SBNO1: variants seen among roughly 807,000 people sequenced by gnomAD.
SBNO1 encodes protein strawberry notch homolog 1.
Under a neutral mutation model 173.6 loss-of-function variants are expected in SBNO1, and 23 were observed. The observed-to-expected ratio is 0.13, with a 90% CI of 0.10 to 0.19. The LOEUF is 0.19. SBNO1 is among the 10% of genes least tolerant of loss of function. The probability of loss-of-function intolerance (pLI) is 1.00; values close to 1 mark genes in which losing one functional copy is unlikely to be tolerated. For synonymous variants in SBNO1, 632 were observed against 571.5 expected (o/e 1.11, Z -1.51); for missense variants, 1,238 against 1,671.2 (o/e 0.74, Z 4.52).
In SBNO1 at chr12:123,295,754, A is replaced by G; in HGVS notation, c.*154T>C. On this transcript the variant is annotated 3_prime_UTR_variant, in exon 32 of 32. Coordinates refer to ENST00000602398, the MANE Select transcript of SBNO1 (RefSeq NM_001167856.3). ...AGCACTGCTGATTTTCAGTTTTGCT[A>G]TCTATTCCAGGTTTGTCCTTACTCC... 1 of 868,888 alleles carries G rather than the reference A, an allele frequency of 1.2e-6. No individual in the cohort carries two copies. Among genetic ancestry groups the G allele is most frequent in the Non-Finnish European group, 1.8e-6 (1 of 556,028 alleles). The allele number at this position is 868,888 out of a possible 1,614,324, so 53.8% of individuals were successfully genotyped here.
intron 29 of SBNO1, 99 bp from the exon 30 acceptor site, chr12:123,302,999 A>G: frequency 3.4e-6 from 3 of 873,294 alleles, no homozygotes; most frequent in East Asian, 2.4e-5. Context: ...ATTTAAAATA[A>G]TCTCTACACA....
chr12:123,357,613 TGCCTGGTGGC>T (rs1246187832), intron 1 of SBNO1, among the ~76,000 whole-genome samples: 39 of 942 alleles, frequency 0.041, no homozygotes, highest in African/African-American at 0.051. Flanking sequence ...TGGTGGCGGG[TGCCTGGTGGC>T]GGGTGCCTGT....
At chr12:123,343,317 T>A (rs571977712) in intron 4 of SBNO1, among the ~76,000 whole-genome samples, 54 of 152,314 alleles carry the variant, frequency 3.5e-4, no homozygotes, top group African/African-American at 1.3e-3. Context: ...GGTTTGTTTA[T>A]TTTAACTGTG....
chr12:123,295,078 T>C lies in SBNO1; in HGVS notation c.*830A>G, dbSNP rs931233771. 6.6e-6 allele frequency: 1 copy of C among 152,224 alleles called. No individual in the cohort carries two copies. The highest frequency in any genetic ancestry group is 2.4e-5 in the African/African-American group (1 of 41,460). The allele number at this position is 152,224 out of a possible 1,614,324, so 9.4% of individuals were successfully genotyped here. A position where few individuals can be genotyped will look rare whatever the true frequency, so the allele number is the denominator to read the frequency against. On this transcript the variant is annotated 3_prime_UTR_variant, in exon 32 of 32. Transcript: ENST00000602398. The stretch of plus-strand genomic sequence containing the variant: ...TGCAAATGTAAATTTAAGAGGCTCA[T>C]AGCCATTTCTGCAGCACACATTAGG...
rs1476341320 is a variant in SBNO1 at position 123,302,893 on chromosome 12, G to A, written c.3776C>T (p.Ser1259Leu). The A allele has an allele frequency of 6.2e-7, 1 of 1,611,084 alleles. No individual in the cohort carries two copies. The highest frequency in any genetic ancestry group is 8.5e-7 in the Non-Finnish European group (1 of 1,177,282). The change falls in exon 30 of 32, where the codon TCA becomes TTA. Residue 1259 changes from serine to leucine, a missense_variant. By Grantham distance (145) the Ser-to-Leu change is moderately radical (BLOSUM62 -2). Transcript: ENST00000602398. Reference sequence around the variant, plus strand: ...TAACCAGTGCATCAGGGCATCATCTGAGACGACCTGTAAAAATGAGAAGAA... The same window carrying A: ...TAACCAGTGCATCAGGGCATCATCTAAGACGACCTGTAAAAATGAGAAGAA... ...DLKKKYKKVVSDDALMHWLDQ... is the reference protein window; with the variant it reads ...DLKKKYKKVVLDDALMHWLDQ...
chr12:123,302,779 CAATT>C (rs749188614), intron 30 of SBNO1, 41 bp downstream of exon 30: 6 of 1,239,778 alleles, frequency 4.8e-6, no homozygotes, highest in Admixed American at 3.4e-5. Flanking sequence ...ATTTAAATCT[CAATT>C]AAATTTTGGA....
chr12:123,327,463 T>C lies in SBNO1; in HGVS notation c.1655A>G (p.Gln552Arg), dbSNP rs1030443285. 6.2e-7 allele frequency: 1 copy of C among 1,614,046 alleles called. No homozygotes were observed. The highest frequency in any genetic ancestry group is 8.5e-7 in the Non-Finnish European group (1 of 1,179,966). The change falls in exon 13 of 32, where the codon CAG becomes CGG. Residue 552 changes from glutamine to arginine, a missense_variant. Physicochemically the swap from Gln to Arg is conservative, Grantham distance 43. Transcript: ENST00000602398. The stretch of plus-strand genomic sequence containing the variant: ...TTTGTTATACATTTTAACGTAGCTC[T>C]GAGAAAGAAGAACTTCCTCAATTTT... ...TFKIEEVLLS[Q>R]SYVKMYNKAV...
chr12:123,329,594 T>TA (rs1870977302), intron 9 of SBNO1, among the ~76,000 whole-genome samples: 1 of 151,098 alleles, frequency 6.6e-6, no homozygotes, highest in African/African-American at 2.5e-5. Flanking sequence ...ACTCTGAAAT[T>TA]TAAAAAAAAA....
intron 28 of SBNO1, among the ~76,000 whole-genome samples, chr12:123,306,494 T>A (rs1206445833): frequency 6.6e-6 from 1 of 152,186 alleles, no homozygotes; most frequent in African/African-American, 2.4e-5. Flanking sequence ...TAAGAGAAGC[T>A]GGGGATCAGG....
At chr12:123,345,113 G>A in intron 4 of SBNO1, 145 bp downstream of exon 4, 1 of 673,818 alleles carries the variant, frequency 1.5e-6, no homozygotes, top group South Asian at 1.9e-5. Context: ...CCCTTGAATT[G>A]TGTTAAAGAC....
intron 4 of SBNO1, among the ~76,000 whole-genome samples, chr12:123,344,868 G>A (rs1000587837): frequency 2.0e-5 from 3 of 152,082 alleles, no homozygotes; most frequent in Non-Finnish European, 4.4e-5. Flanking sequence ...AAAAAGAAAT[G>A]TAGAATTGTG....
intron 1 of SBNO1, among the ~76,000 whole-genome samples, chr12:123,353,182 G>T (rs1367642722): frequency 5.9e-5 from 9 of 152,160 alleles, no homozygotes; most frequent in African/African-American, 2.2e-4. Context: ...GAGTGAGGAA[G>T]GAAGGAAACA....
chr12:123,317,831 G>A (rs546995968), intron 20 of SBNO1, among the ~76,000 whole-genome samples: 2 of 152,250 alleles, frequency 1.3e-5, no homozygotes, highest in South Asian at 2.1e-4. Context: ...TGTATTTTCT[G>A]TTATTTAACA....
At position 123,298,092 on chromosome 12, in the gene SBNO1, C is replaced by T; in HGVS notation, c.3925G>A (p.Gly1309Ser). ...TTTGTCCAGACACTCAGCACTGAAC[C>T]ACATAATACATAATATGTACGGCAA... ...LRCRTYYVLC[G>S]SVLSVWTKVE... Residue 1309 changes from glycine to serine, a missense_variant, in exon 31 of 32, where the codon GGT becomes AGT. This residue lies in a region of SBNO1 where 351 missense variants were observed against 420.3 expected (regional missense o/e 0.84). Coordinates refer to ENST00000602398, the MANE Select transcript of SBNO1 (RefSeq NM_001167856.3). 1 of 1,611,762 alleles carries T rather than the reference C, an allele frequency of 6.2e-7. No individual in the cohort carries two copies. Among genetic ancestry groups the T allele is most frequent in the Non-Finnish European group, 8.5e-7 (1 of 1,179,462 alleles).
At position 123,291,896 on chromosome 12, in the gene SBNO1, T is replaced by C. The variant is rs1566014883; in HGVS notation, c.*4012A>G. On this transcript the variant is annotated 3_prime_UTR_variant, in exon 32 of 32. Transcript: ENST00000602398. ...ATACAGCACAAAATTAGAGGGTGGG[T>C]TTTGGATTTTATCTCAAGTACTCAA... The C allele has an allele frequency of 6.6e-6, 1 of 151,852 alleles. No individual in the cohort carries two copies. Among genetic ancestry groups the C allele is most frequent in the Non-Finnish European group, 1.5e-5 (1 of 67,984 alleles). 9.4% of individuals were successfully genotyped at this position (151,852 alleles called of 1,614,324 possible).
At chr12:123,363,848 G>C (rs1875710843) in intron 1 of SBNO1, 1 of 985,516 alleles carries the variant, frequency 1.0e-6, no homozygotes. Flanking sequence ...GTGGGAAGGG[G>C]AGGAGCTGGA....
In SBNO1 at chr12:123,334,465, T is replaced by A. The variant is rs576345572; in HGVS notation, c.749-252A>T. Among the ~76,000 whole-genome samples, 4 of 152,294 alleles carry A rather than the reference T, an allele frequency of 2.6e-5. No homozygotes were observed. In the East Asian group the frequency reaches 7.7e-4, roughly 29 times the overall value. The stretch of plus-strand genomic sequence containing the variant: ...GCTCACGCCTGTAATCCCAGCACTT[T>A]GGGGGGCCAAGGTGGAGGGATCACT... On this transcript the variant is annotated intron_variant, in intron 6 of 31. Coordinates refer to ENST00000602398, the MANE Select transcript of SBNO1 (RefSeq NM_001167856.3).
chr12:123,326,579 A>C (rs1011875932), intron 13 of SBNO1, among the ~76,000 whole-genome samples: 20 of 152,218 alleles, frequency 1.3e-4, no homozygotes, highest in African/African-American at 4.8e-4. Context: ...ATAAATGGCT[A>C]TAACTTATGA....
At chr12:123,364,847 T>TCCCCCAGCCCCCCCGCCCCG, upstream of SBNO1, 2 of 901,834 alleles carry the variant, frequency 2.2e-6, no homozygotes, top group Non-Finnish European at 2.6e-6. Context: ...TTGACGCCCC[T>TCCCCCAGCCCCCCCGCCCCG]CCCCCAGCCC....
Sources: gnomAD v4.1 joint callset for allele counts (sites outside exome capture counted in the v4.1 genomes callset) on GRCh38, gnomAD v4.1.1 for gene constraint, gnomAD v4.1.1 regional missense constraint, MANE v1.5 for transcripts, NCBI Gene and HGNC (gene_info 2026-07-23, HGNC 2026-07-21) for gene names.